ZNF892: variants seen among roughly 807,000 people sequenced by gnomAD.
ZNF892 encodes the protein zinc finger protein 570-like.
At chr2:95,248,628 C>A in the ZNF892 span, among the ~76,000 whole-genome samples, 1 of 151,948 alleles carries the variant, frequency 6.6e-6, no homozygotes, top group East Asian at 1.9e-4. Flanking sequence ...TAGGAATAGA[C>A]CAATAACCTA....
chr2:95,257,970 C>G, the ZNF892 span, among the ~76,000 whole-genome samples: 11 of 152,184 alleles, frequency 7.2e-5, no homozygotes, highest in Admixed American at 6.5e-5. Flanking sequence ...GTCTGTCACC[C>G]CTTTCCTTGG....
the ZNF892 span, among the ~76,000 whole-genome samples, chr2:95,234,480 G>A: frequency 2.0e-5 from 3 of 152,214 alleles, no homozygotes; most frequent in Non-Finnish European, 4.4e-5. Flanking sequence ...ACTCTGGACG[G>A]ACGGGCCTGG....
the ZNF892 span, among the ~76,000 whole-genome samples, chr2:95,261,153 C>A: frequency 6.6e-6 from 1 of 152,146 alleles, no homozygotes; most frequent in Non-Finnish European, 1.5e-5. Context: ...AGAGGGAGGC[C>A]CTGCAGGCAG....
chr2:95,213,420 A>G, the ZNF892 span, among the ~76,000 whole-genome samples: 3 of 152,176 alleles, frequency 2.0e-5, no homozygotes, highest in Admixed American at 6.5e-5. Context: ...AAGACCATTT[A>G]AGCTTGGAAG....
chr2:95,216,433 G>A, the ZNF892 span, among the ~76,000 whole-genome samples: 1 of 152,110 alleles, frequency 6.6e-6, no homozygotes, highest in Non-Finnish European at 1.5e-5. Flanking sequence ...AGTTACCTGA[G>A]AATGTGCTTA....
the ZNF892 span, among the ~76,000 whole-genome samples, chr2:95,219,073 A>G: frequency 6.6e-6 from 1 of 152,064 alleles, no homozygotes; most frequent in African/African-American, 2.4e-5. Flanking sequence ...ATTTCAGCTA[A>G]CTGCAAGCTC....
At chr2:95,227,499 T>A in the ZNF892 span, among the ~76,000 whole-genome samples, 1 of 151,894 alleles carries the variant, frequency 6.6e-6, no homozygotes, top group Non-Finnish European at 1.5e-5. Flanking sequence ...AATTTTTTTT[T>A]TTTTTGTAGA....
At chr2:95,244,260 A>G in the ZNF892 span, among the ~76,000 whole-genome samples, 1 of 149,690 alleles carries the variant, frequency 6.7e-6, no homozygotes, top group Non-Finnish European at 1.5e-5. Context: ...TCACTTGTTT[A>G]TCTGCTGACC....
At chr2:95,215,305 A>G in the ZNF892 span, 1 of 468,704 alleles carries the variant, frequency 2.1e-6, no homozygotes. Context: ...GATTGTGCCA[A>G]AGCCTTCAGT....
chr2:95,219,400 A>T, the ZNF892 span, among the ~76,000 whole-genome samples: 2 of 151,856 alleles, frequency 1.3e-5, no homozygotes, highest in Non-Finnish European at 2.9e-5. Context: ...TATTTCAGTT[A>T]TTGTATTTTT....
the ZNF892 span, among the ~76,000 whole-genome samples, chr2:95,250,087 C>G: frequency 1.3e-5 from 2 of 152,054 alleles, no homozygotes; most frequent in African/African-American, 4.8e-5. Context: ...ATAAATCAGG[C>G]AATATTTTAA....
At chr2:95,248,602 CT>C in the ZNF892 span, among the ~76,000 whole-genome samples, 1 of 152,008 alleles carries the variant, frequency 6.6e-6, no homozygotes, top group Admixed American at 6.6e-5. Flanking sequence ...AAGAAAAACC[CT>C]TCATAATCTC....
At chr2:95,239,618 A>T in the ZNF892 span, among the ~76,000 whole-genome samples, 1 of 150,444 alleles carries the variant, frequency 6.6e-6, no homozygotes, top group Non-Finnish European at 1.5e-5. Context: ...TTTTTTTTTT[A>T]GATGGAGTCT....
chr2:95,251,185 G>C, the ZNF892 span, among the ~76,000 whole-genome samples: 1 of 152,146 alleles, frequency 6.6e-6, no homozygotes, highest in African/African-American at 2.4e-5. Flanking sequence ...ACATACAAAT[G>C]CAAACAGAGA....
At chr2:95,213,919 T>A in the ZNF892 span, among the ~76,000 whole-genome samples, 1 of 152,178 alleles carries the variant, frequency 6.6e-6, no homozygotes, top group African/African-American at 2.4e-5. Context: ...ATGATAAGGC[T>A]CTGGTCAGAT....
At chr2:95,263,520 A>G in the ZNF892 span, among the ~76,000 whole-genome samples, 2 of 152,220 alleles carry the variant, frequency 1.3e-5, no homozygotes, top group Non-Finnish European at 2.9e-5. Flanking sequence ...ATTTTTGGCA[A>G]AATAACACAT....
chr2:95,254,759 G>T, the ZNF892 span, among the ~76,000 whole-genome samples: 5 of 152,096 alleles, frequency 3.3e-5, no homozygotes, highest in East Asian at 5.8e-4. Context: ...CAATTTCAGA[G>T]CCTGTTGTTG....
chr2:95,250,010 A>G, the ZNF892 span, among the ~76,000 whole-genome samples: 7 of 152,294 alleles, frequency 4.6e-5, 1 homozygote, highest in Admixed American at 2.0e-4. Flanking sequence ...ACTTGCTTTT[A>G]ACAATTATGT....
the ZNF892 span, among the ~76,000 whole-genome samples, chr2:95,250,848 G>A: frequency 6.9e-6 from 1 of 145,206 alleles, no homozygotes; most frequent in African/African-American, 2.5e-5. Flanking sequence ...TATTATTTAT[G>A]TAATAAATGC....
Sources: gnomAD v4.1 joint callset for allele counts (sites outside exome capture counted in the v4.1 genomes callset) on GRCh38, gnomAD v4.1.1 for gene constraint, MANE v1.5 for transcripts, NCBI Gene and HGNC (gene_info 2026-07-23, HGNC 2026-07-21) for gene names.